The following MSI2 variants were observed in gnomAD, a reference collection of about 807,000 sequenced individuals.
MSI2 encodes musashi RNA binding protein 2.
Under a neutral mutation model 45.6 loss-of-function variants are expected in MSI2, and 17 were observed. The observed-to-expected ratio is 0.37, with a 90% CI of 0.26 to 0.56. The LOEUF is 0.56. Among genes scored for constraint, MSI2 ranks in the 20% least tolerant of loss-of-function variants. MSI2 has a pLI of 0.77. For missense variants in MSI2, 293 were observed against 444.2 expected, an observed-to-expected ratio of 0.66 and a Z score of 3.06; for synonymous variants, 156 against 158.2, an observed-to-expected ratio of 0.99 and a Z score of 0.11.
At chr17:57,429,738 A>G (rs1244073624) in intron 6 of MSI2, among the ~76,000 whole-genome samples, 1 of 1,934 alleles carries the variant, frequency 5.2e-4, no homozygotes. Flanking sequence ...AGATAATTAA[A>G]AAAAAAAAAA....
chr17:57,360,117 A>G (rs1044478729), intron 5 of MSI2, among the ~76,000 whole-genome samples: 7 of 152,222 alleles, frequency 4.6e-5, no homozygotes, highest in Admixed American at 3.3e-4. Context: ...GGTTGCACCC[A>G]TGTTTTATTA....
At chr17:57,566,647 G>A (rs566235094) in intron 7 of MSI2, among the ~76,000 whole-genome samples, 9 of 152,324 alleles carry the variant, frequency 5.9e-5, no homozygotes, top group Non-Finnish European at 7.3e-5. Flanking sequence ...TGGGATGAAC[G>A]TGGTTTTATT....
chr17:57,504,764 C>G (rs1171584724), intron 6 of MSI2, among the ~76,000 whole-genome samples: 2 of 151,984 alleles, frequency 1.3e-5, no homozygotes, highest in Non-Finnish European at 2.9e-5. Context: ...AACCCCGAAT[C>G]TACTAAAAAT....
chr17:57,414,598 C>T lies in MSI2; in HGVS notation c.405+13127C>T, dbSNP rs538731588. ...TAGAGATGATGTTTCGCCATGTTGGCCAGGCTGGTCTCAAACTCCTGGCCT... is the reference window on the plus strand; with the variant it reads ...TAGAGATGATGTTTCGCCATGTTGGTCAGGCTGGTCTCAAACTCCTGGCCT... On this transcript the variant is annotated intron_variant, in intron 6 of 13. Transcript: ENST00000284073. Among the ~76,000 whole-genome samples the T allele has an allele frequency of 1.7e-3, 252 of 152,170 alleles. 1 individual carries two copies. The highest frequency in any genetic ancestry group is 5.9e-3 in the African/African-American group (244 of 41,512).
chr17:57,495,145 G>T (rs566986069), intron 6 of MSI2, among the ~76,000 whole-genome samples: 2 of 152,140 alleles, frequency 1.3e-5, no homozygotes, highest in Non-Finnish European at 2.9e-5. Context: ...AAGAAAGGGA[G>T]GCCCAGCAAG....
At chr17:57,561,980 T>C (rs1167946474) in intron 7 of MSI2, among the ~76,000 whole-genome samples, 4 of 152,224 alleles carry the variant, frequency 2.6e-5, no homozygotes, top group African/African-American at 9.6e-5. Context: ...TATAAGCTAC[T>C]TAACCTCTCT....
At chr17:57,632,947 G>A in intron 10 of MSI2, 2 of 1,055,030 alleles carry the variant, frequency 1.9e-6, no homozygotes, top group South Asian at 4.6e-5. Flanking sequence ...TTTTCCATGA[G>A]TATTATTTTT....
At chr17:57,438,645 C>T (rs1461012227) in intron 6 of MSI2, among the ~76,000 whole-genome samples, 2 of 152,098 alleles carry the variant, frequency 1.3e-5, no homozygotes, top group African/African-American at 2.4e-5. Flanking sequence ...AAATAAAACA[C>T]TCCCTCTAAG....
At chr17:57,445,956 G>A (rs1418178916) in intron 6 of MSI2, among the ~76,000 whole-genome samples, 1 of 152,212 alleles carries the variant, frequency 6.6e-6, no homozygotes, top group Non-Finnish European at 1.5e-5. Context: ...CCCTGTCTCT[G>A]CCAGGCACTG....
At chr17:57,364,114 C>T (rs1917017217) in intron 5 of MSI2, among the ~76,000 whole-genome samples, 1 of 152,144 alleles carries the variant, frequency 6.6e-6, no homozygotes, top group Non-Finnish European at 1.5e-5. Flanking sequence ...CTATTTTAAG[C>T]CACTCCTCTG....
intron 5 of MSI2, among the ~76,000 whole-genome samples, chr17:57,299,597 A>G (rs1911267821): frequency 6.6e-6 from 1 of 152,194 alleles, no homozygotes; most frequent in Admixed American, 6.5e-5. Flanking sequence ...TAAGTTTGCC[A>G]TCTTATTTAT....
At chr17:57,492,876 C>T (rs1477291746) in intron 6 of MSI2, among the ~76,000 whole-genome samples, 2 of 152,312 alleles carry the variant, frequency 1.3e-5, no homozygotes, top group Admixed American at 6.5e-5. Context: ...GGATTACAGG[C>T]GTGAGCCACC....
chr17:57,639,431 G>T (rs1298375769), intron 10 of MSI2, among the ~76,000 whole-genome samples: 10 of 152,222 alleles, frequency 6.6e-5, no homozygotes, highest in African/African-American at 2.4e-4. Context: ...TTGGCATTGG[G>T]AAGCCAGTGC....
In MSI2 at chr17:57,596,796, A is replaced by G; in HGVS notation, c.455-72A>G. 1 of 1,113,734 alleles carries G rather than the reference A, an allele frequency of 9.0e-7. No homozygotes were observed. Among genetic ancestry groups the G allele is most frequent in the Non-Finnish European group, 1.4e-6 (1 of 733,158 alleles). The allele number at this position is 1,113,734 out of a possible 1,614,324, so 69.0% of individuals were successfully genotyped here. On this transcript the variant is annotated intron_variant, in intron 7 of 13. Transcript: ENST00000284073. This position sits in a 1 kb window ranked among gnomAD's most constrained non-coding sequence, Gnocchi z 4.6. ...CTGTCAAGACCTCAGGACGTCAGAG[A>G]AAAACCTGGGCCTGCCAGAACTGAA...
At chr17:57,571,405 T>C (rs1326876942) in intron 7 of MSI2, among the ~76,000 whole-genome samples, 1 of 152,082 alleles carries the variant, frequency 6.6e-6, no homozygotes, top group Non-Finnish European at 1.5e-5. Context: ...GAAGGGGAGA[T>C]GCTCTGAGGG....
intron 10 of MSI2, among the ~76,000 whole-genome samples, chr17:57,639,050 G>A (rs1342268118): frequency 1.3e-5 from 2 of 152,186 alleles, no homozygotes; most frequent in African/African-American, 4.8e-5. Context: ...TGGTCAAAGA[G>A]GTGGCCAGCT....
At chr17:57,672,692 G>A (rs1912887947) in intron 11 of MSI2, among the ~76,000 whole-genome samples, 1 of 152,176 alleles carries the variant, frequency 6.6e-6, no homozygotes, top group South Asian at 2.1e-4. Context: ...GCCTAAAATG[G>A]AACGGGCTAA....
Position 57,346,459 on chromosome 17 carries a change from G to A in MSI2, c.313-54920G>A, listed in dbSNP as rs960933900. On this transcript the variant is annotated intron_variant, in intron 5 of 13. Transcript: ENST00000284073. ...TAAACTGAGGCTGAGCCTTCCGGGG[G>A]TTTGAGAAAGAGCTGAGTCATATGG... Among the ~76,000 whole-genome samples the A allele has an allele frequency of 1.3e-4, 20 of 152,192 alleles. No homozygotes were observed. The East Asian group carries it at 3.9e-3, about 29-fold the overall frequency.
chr17:57,673,133 A>G (rs1430865349), intron 11 of MSI2, among the ~76,000 whole-genome samples: 1 of 152,234 alleles, frequency 6.6e-6, no homozygotes, highest in African/African-American at 2.4e-5. Flanking sequence ...AGCCAGGCCC[A>G]GCTTGATTTG....
Sources: allele counts gnomAD v4.1 joint callset (sites outside exome capture counted in the v4.1 genomes callset), GRCh38; gene constraint gnomAD v4.1.1; non-coding constraint Gnocchi (gnomAD v3.1); transcripts MANE v1.5; gene names NCBI Gene and HGNC (gene_info 2026-07-23, HGNC 2026-07-21).